Variants in SPHK1 observed in about 807,000 individuals in gnomAD.
SPHK1 encodes the protein SK 1.
SPHK1 carries 10 observed loss-of-function variants against 14.6 expected under a neutral mutation model. The observed-to-expected ratio is 0.68, with a 90% CI of 0.42 to 1.16. SPHK1 has a LOEUF of 1.16. Ranked by LOEUF, SPHK1 falls within the 50% of genes most tolerant of loss-of-function variation. The probability of loss-of-function intolerance (pLI) is 0.00; values close to 1 mark genes in which losing one functional copy is unlikely to be tolerated. For missense variants in SPHK1, 553 were observed against 525.4 expected (o/e 1.05, Z -0.51); for synonymous variants, 274 against 224.0 (o/e 1.22, Z -1.99).
In SPHK1 at chr17:76,386,795, TC is replaced by T; in HGVS notation, c.375-6del. On this transcript the variant is annotated splice_polypyrimidine_tract_variant and intron_variant, in intron 5 of 5. Transcript: ENST00000592299. The surrounding 1 kb of genome is among the most constrained non-coding windows in gnomAD (Gnocchi z 5.3). ...TCCTGTCCTGCCTTATCTGACTTTT[TC>T]CCCCTGCAGCTATGAGCAGGTCACC... The T allele has an allele frequency of 6.5e-7, 1 of 1,528,396 alleles. No homozygotes were observed. The allele number at this position is 1,528,396 out of a possible 1,614,324, so 94.7% of individuals were successfully genotyped here.
rs1187938485 is a variant in SPHK1 at position 76,387,333 on chromosome 17, G to A, written c.902G>A (p.Arg301His). The A allele has an allele frequency of 5.0e-6, 8 of 1,613,724 alleles. No individual in the cohort carries two copies. The Admixed American group carries it at 5.0e-5, about 10-fold the overall frequency. Residue 301 changes from arginine to histidine, a missense_variant, in exon 6 of 6, where the codon CGC (arginine) becomes CAC (histidine). Transcript: ENST00000592299. The surrounding 1 kb of genome is among the most constrained non-coding windows in gnomAD (Gnocchi z 4.1). ...GGAGTGTCTCGTGCCATGCTGCTGCGCCTCTTCCTGGCCATGGAGAAGGGC... is the reference window on the plus strand; with the variant it reads ...GGAGTGTCTCGTGCCATGCTGCTGCACCTCTTCCTGGCCATGGAGAAGGGC... ...RAGVSRAMLLRLFLAMEKGRH... is the reference protein window; with the variant it reads ...RAGVSRAMLLHLFLAMEKGRH...
At position 76,387,019 on chromosome 17, in the gene SPHK1, CT is replaced by C; in HGVS notation, c.590del (p.Phe197SerfsTer19). On this transcript the variant is annotated frameshift_variant, in exon 6 of 6. Coordinates refer to ENST00000592299, the MANE Select transcript of SPHK1 (RefSeq NM_001142601.2). LOFTEE classifies it low-confidence loss of function (END_TRUNC). The surrounding 1 kb of genome is among the most constrained non-coding windows in gnomAD (Gnocchi z 4.1). ...LGEMRFTLGT[F>X]LRLAALRTYR... ...GGGAGATGCGCTTCACTCTGGGCAC[CT>C]TCCTGCGTCTGGCAGCCCTGCGCAC... 1 of 1,613,672 alleles carries C rather than the reference CT, an allele frequency of 6.2e-7. No homozygotes were observed. Among genetic ancestry groups the C allele is most frequent in the East Asian group, 2.2e-5 (1 of 44,880 alleles).
Position 76,387,849 on chromosome 17 carries a change from ATTCC to A in SPHK1, c.*264_*267del. On this transcript the variant is annotated 3_prime_UTR_variant, in exon 6 of 6. Coordinates refer to ENST00000592299, the MANE Select transcript of SPHK1 (RefSeq NM_001142601.2). The surrounding 1 kb of genome is among the most constrained non-coding windows in gnomAD (Gnocchi z 4.1). ...ACGAACCAAATCCAAATAAAGTGACATTCCCAGCCTGCTCGTCCTGTCCTGGTGA... is the reference window on the plus strand; with the variant it reads ...ACGAACCAAATCCAAATAAAGTGACACAGCCTGCTCGTCCTGTCCTGGTGA... The A allele has an allele frequency of 4.4e-6, 2 of 459,010 alleles. No homozygotes were observed. The highest frequency in any genetic ancestry group is 5.6e-4 in the Middle Eastern group (1 of 1,792). The allele number at this position is 459,010 out of a possible 1,614,324, so 28.4% of individuals were successfully genotyped here.
chr17:76,387,589 C>T lies in SPHK1; in HGVS notation c.*3C>T, dbSNP rs754013387. On this transcript the variant is annotated 3_prime_UTR_variant, in exon 6 of 6. Coordinates refer to ENST00000592299, the MANE Select transcript of SPHK1 (RefSeq NM_001142601.2). This position sits in a 1 kb window ranked among gnomAD's most constrained non-coding sequence, Gnocchi z 4.1. ...CACCGCCAGAAGAGCCCTTATGACCCCTGGGCCGCGCTGTGCCTTAGTGTC... is the reference window on the plus strand; with the variant it reads ...CACCGCCAGAAGAGCCCTTATGACCTCTGGGCCGCGCTGTGCCTTAGTGTC... 70 of 1,578,364 alleles carry T rather than the reference C, an allele frequency of 4.4e-5. No individual in the cohort carries two copies. Among genetic ancestry groups the T allele is most frequent in the Non-Finnish European group, 5.7e-5 (67 of 1,166,470 alleles).
At position 76,387,398 on chromosome 17, in the gene SPHK1, C is replaced by T. The variant is rs771819904; in HGVS notation, c.967C>T (p.Pro323Ser). ...EYECPYLVYV[P>S]VVAFRLEPKD... ...TGAATGCCCCTACTTGGTATATGTG[C>T]CCGTGGTCGCCTTCCGCTTGGAGCC... Residue 323 changes from proline (P) to serine (S), a missense_variant, in exon 6 of 6, where the codon CCC becomes TCC. Pro to Ser is a moderately conservative substitution (Grantham distance 74). Coordinates refer to ENST00000592299, the MANE Select transcript of SPHK1 (RefSeq NM_001142601.2). This position sits in a 1 kb window ranked among gnomAD's most constrained non-coding sequence, Gnocchi z 4.1. 11 of 1,613,740 alleles carry T rather than the reference C, an allele frequency of 6.8e-6. No homozygotes were observed. The highest frequency in any genetic ancestry group is 5.9e-6 in the Non-Finnish European group (7 of 1,179,982).
In SPHK1 at chr17:76,387,372, A is replaced by G. The variant is rs750145211; in HGVS notation, c.941A>G (p.Tyr314Cys). 51 of 1,613,820 alleles carry G rather than the reference A, an allele frequency of 3.2e-5. No individual in the cohort carries two copies. Among genetic ancestry groups the G allele is most frequent in the Non-Finnish European group, 4.2e-5 (49 of 1,180,030 alleles). Residue 314 changes from tyrosine to cysteine, a missense_variant, in exon 6 of 6, where the codon TAT (tyrosine) becomes TGT (cysteine). Tyr to Cys is a radical substitution (Grantham distance 194). Coordinates refer to ENST00000592299, the MANE Select transcript of SPHK1 (RefSeq NM_001142601.2). This position sits in a 1 kb window ranked among gnomAD's most constrained non-coding sequence, Gnocchi z 4.1. ...ATGGAGAAGGGCAGGCATATGGAGT[A>G]TGAATGCCCCTACTTGGTATATGTG... ...LAMEKGRHME[Y>C]ECPYLVYVPV...
upstream of SPHK1, chr17:76,383,718 C>A: frequency 1.5e-6 from 1 of 665,296 alleles, no homozygotes; most frequent in South Asian, 1.6e-5. Flanking sequence ...CTGTGGCTTG[C>A]CGCGATAAGT....
At chr17:76,383,909 C>T, upstream of SPHK1, 1 of 1,202,030 alleles carries the variant, frequency 8.3e-7, no homozygotes, top group Non-Finnish European at 1.1e-6. Flanking sequence ...CAAGCCTCCT[C>T]TCCGGCTCGG....
rs1363561561 is a variant in SPHK1 at position 76,386,058 on chromosome 17, C to T, written c.84C>T (p.Gly28=). The T allele has an allele frequency of 6.2e-6, 10 of 1,608,532 alleles. No individual in the cohort carries two copies. Among genetic ancestry groups the T allele is most frequent in the Non-Finnish European group, 8.5e-6 (10 of 1,177,616 alleles). ...LVLLNPRGGK[G]KALQLFRSHV... ...TGCTGAACCCGCGCGGCGGCAAGGG[C>T]AAGGCCTTGCAGCTCTTCCGGAGTC... Residue 28 remains glycine, a synonymous_variant, in exon 3 of 6, where the codon GGC becomes GGT. Coordinates refer to ENST00000592299, the MANE Select transcript of SPHK1 (RefSeq NM_001142601.2). The surrounding 1 kb of genome is among the most constrained non-coding windows in gnomAD (Gnocchi z 5.3).
Position 76,386,045 on chromosome 17 carries a change from G to A in SPHK1, c.71G>A (p.Arg24His). Residue 24 changes from arginine to histidine, a missense_variant, in exon 3 of 6, where the codon CGC becomes CAC. Arg to His is a conservative substitution (Grantham distance 29). Coordinates refer to ENST00000592299, the MANE Select transcript of SPHK1 (RefSeq NM_001142601.2). This position sits in a 1 kb window ranked among gnomAD's most constrained non-coding sequence, Gnocchi z 5.3. ...PCRVLVLLNP[R>H]GGKGKALQLF... ...CGCGTGCTGGTGCTGCTGAACCCGC[G>A]CGGCGGCAAGGGCAAGGCCTTGCAG... 6.2e-7 allele frequency: 1 copy of A among 1,608,288 alleles called. No homozygotes were observed. The highest frequency in any genetic ancestry group is 8.5e-7 in the Non-Finnish European group (1 of 1,177,460).
upstream of SPHK1, chr17:76,383,678 G>T: frequency 2.4e-6 from 1 of 422,892 alleles, no homozygotes; most frequent in Non-Finnish European, 4.3e-6. Context: ...ACCCCCCAGG[G>T]ATCTAACTCG....
rs139174358 is a variant in SPHK1 at position 76,387,022 on chromosome 17, C to T, written c.591C>T (p.Phe197=). 15 of 1,613,692 alleles carry T rather than the reference C, an allele frequency of 9.3e-6. No individual in the cohort carries two copies. The African/African-American group carries it at 1.1e-4, about 11-fold the overall frequency. ...AGATGCGCTTCACTCTGGGCACCTT[C>T]CTGCGTCTGGCAGCCCTGCGCACCT... is the stretch of plus-strand genomic sequence containing the variant. ...LGEMRFTLGT[F]LRLAALRTYR... Residue 197 remains phenylalanine, a synonymous_variant, in exon 6 of 6, where the codon TTC becomes TTT. Transcript: ENST00000592299. This position sits in a 1 kb window ranked among gnomAD's most constrained non-coding sequence, Gnocchi z 4.1.
At chr17:76,383,791 C>G, upstream of SPHK1, 1 of 1,260,200 alleles carries the variant, frequency 7.9e-7, no homozygotes. Context: ...AACTTCTGAG[C>G]GCGTTTCCGG....
chr17:76,384,969 G>C (rs2143623634), intron 1 of SPHK1, 163 bp downstream of exon 1: 1 of 1,017,176 alleles, frequency 9.8e-7, no homozygotes, highest in East Asian at 3.2e-5. Flanking sequence ...GCTCCCACGA[G>C]CGCCGCGCGC....
rs767421265 is a variant in SPHK1, at chr17:76,386,825, G to A, written c.394G>A (p.Glu132Lys). ...CTGCAGCTATGAGCAGGTCACCAATGAAGACCTCCTGACCAACTGCACGCT... is the reference window on the plus strand; with the variant it reads ...CTGCAGCTATGAGCAGGTCACCAATAAAGACCTCCTGACCAACTGCACGCT... The part of the protein sequence containing the change: ...HYAGYEQVTN[E>K]DLLTNCTLLL... The change falls in exon 6 of 6, where the codon GAA becomes AAA. Residue 132 changes from glutamate to lysine, a missense_variant. Coordinates refer to ENST00000592299, the MANE Select transcript of SPHK1 (RefSeq NM_001142601.2). The surrounding 1 kb of genome is among the most constrained non-coding windows in gnomAD (Gnocchi z 5.3). The A allele has an allele frequency of 8.3e-6, 13 of 1,558,250 alleles. No individual in the cohort carries two copies. The highest frequency in any genetic ancestry group is 1.1e-5 in the Non-Finnish European group (13 of 1,149,872).
Position 76,387,380 on chromosome 17 carries a change from C to G in SPHK1, c.949C>G (p.Pro317Ala). 3.1e-6 allele frequency: 5 copies of G among 1,613,864 alleles called. No individual in the cohort carries two copies. The highest frequency in any genetic ancestry group is 4.2e-6 in the Non-Finnish European group (5 of 1,180,020). ...GGGCAGGCATATGGAGTATGAATGC[C>G]CCTACTTGGTATATGTGCCCGTGGT... is the stretch of plus-strand genomic sequence containing the variant. ...EKGRHMEYEC[P>A]YLVYVPVVAF... is the part of the protein sequence containing the mutation. Residue 317 changes from proline (P) to alanine (A), a missense_variant, in exon 6 of 6, where the codon CCC becomes GCC. Coordinates refer to ENST00000592299, the MANE Select transcript of SPHK1 (RefSeq NM_001142601.2). The surrounding 1 kb of genome is among the most constrained non-coding windows in gnomAD (Gnocchi z 4.1).
chr17:76,384,972 C>T, intron 1 of SPHK1, 166 bp downstream of exon 1: 3 of 1,056,416 alleles, frequency 2.8e-6, no homozygotes, highest in South Asian at 3.7e-5. Context: ...CCCACGAGCG[C>T]CGCGCGCGTC....
In SPHK1 at chr17:76,386,209, G is replaced by A; in HGVS notation, c.164-12G>A. Reference sequence around the variant, plus strand: ...ACCCCCCCAGTCCTGATAGCTGCCGGTCTCCCTGCAGAGCGGCGGAACCAC... The same window carrying A: ...ACCCCCCCAGTCCTGATAGCTGCCGATCTCCCTGCAGAGCGGCGGAACCAC... On this transcript the variant is annotated splice_polypyrimidine_tract_variant and intron_variant, in intron 3 of 5. Coordinates refer to ENST00000592299, the MANE Select transcript of SPHK1 (RefSeq NM_001142601.2). This position sits in a 1 kb window ranked among gnomAD's most constrained non-coding sequence, Gnocchi z 5.3. 1.3e-6 allele frequency: 2 copies of A among 1,596,044 alleles called. No individual in the cohort carries two copies. The highest frequency in any genetic ancestry group is 2.2e-5 in the South Asian group (2 of 90,530).
At chr17:76,383,462 G>A, upstream of SPHK1, 1 of 183,858 alleles carries the variant, frequency 5.4e-6, no homozygotes. Context: ...TCAGGGCGCC[G>A]CCCGGCTAAT....
Sources: allele counts gnomAD v4.1 joint callset, GRCh38; gene constraint gnomAD v4.1.1; non-coding constraint Gnocchi (gnomAD v3.1); transcripts MANE v1.5; gene names NCBI Gene and HGNC (gene_info 2026-07-23, HGNC 2026-07-21).